The following ADGRL3 variants were observed in gnomAD, a reference collection of about 807,000 sequenced individuals.
ADGRL3 encodes adhesion G protein-coupled receptor L3.
ADGRL3 carries 62 observed loss-of-function variants against 153.5 expected under a neutral mutation model. That is an observed-to-expected ratio of 0.40 (90% confidence interval 0.33 to 0.50). ADGRL3 has a LOEUF of 0.50. Among genes scored for constraint, ADGRL3 ranks in the 20% least tolerant of loss-of-function variants. ADGRL3 has a pLI of 0.47. For synonymous variants in ADGRL3, 710 were observed against 672.5 expected, an observed-to-expected ratio of 1.06 and a Z score of -0.86; for missense variants, 1,641 against 1,859.4, an observed-to-expected ratio of 0.88 and a Z score of 2.16.
At chr4:61,982,922 A>G (rs1390022909) in intron 18 of ADGRL3, among the ~76,000 whole-genome samples, 1 of 152,136 alleles carries the variant, frequency 6.6e-6, no homozygotes, top group Non-Finnish European at 1.5e-5. Flanking sequence ...AAAGACTGCA[A>G]TTAACTACAC....
intron 5 of ADGRL3, among the ~76,000 whole-genome samples, chr4:61,656,547 TGGG>T (rs2094448102): frequency 6.6e-6 from 1 of 152,142 alleles, no homozygotes; most frequent in African/African-American, 2.4e-5. Flanking sequence ...ATTTGGTTCC[TGGG>T]TAAAATGAAA....
chr4:61,295,387 G>T (rs1314521304), intron 1 of ADGRL3, among the ~76,000 whole-genome samples: 1 of 152,044 alleles, frequency 6.6e-6, no homozygotes, highest in Non-Finnish European at 1.5e-5. Flanking sequence ...ATGTATAGGA[G>T]AAACACCATG....
At chr4:62,027,230 T>G (rs1719184505) in intron 21 of ADGRL3, among the ~76,000 whole-genome samples, 2 of 152,194 alleles carry the variant, frequency 1.3e-5, no homozygotes, top group South Asian at 4.1e-4. Context: ...CCATCAGTTC[T>G]TACAAATTCT....
At chr4:61,226,236 G>A (rs1362516686) in intron 1 of ADGRL3, among the ~76,000 whole-genome samples, 1 of 152,052 alleles carries the variant, frequency 6.6e-6, no homozygotes, top group Non-Finnish European at 1.5e-5. Flanking sequence ...AGCATTATGA[G>A]GGGGTGTCTT....
chr4:61,657,533 G>A (rs1316224901), intron 5 of ADGRL3, among the ~76,000 whole-genome samples: 1 of 151,816 alleles, frequency 6.6e-6, no homozygotes, highest in African/African-American at 2.4e-5. Context: ...TATAGATTCA[G>A]TTTTTTTAAT....
intron 5 of ADGRL3, among the ~76,000 whole-genome samples, chr4:61,596,393 G>T (rs1231770785): frequency 6.6e-6 from 1 of 152,032 alleles, no homozygotes; most frequent in African/African-American, 2.4e-5. Flanking sequence ...CAAACCTTTT[G>T]CTAATAAGTT....
chr4:61,206,622 C>T (rs1338417767), intron 1 of ADGRL3, among the ~76,000 whole-genome samples: 1 of 152,086 alleles, frequency 6.6e-6, no homozygotes, highest in African/African-American at 2.4e-5. Context: ...TATGTATTCT[C>T]AAGTTTTAGA....
chr4:61,775,828 G>T, intron 8 of ADGRL3: 1 of 589,460 alleles, frequency 1.7e-6, no homozygotes, highest in South Asian at 2.6e-5. Context: ...TACGCTTCCA[G>T]CAGCAATACC....
intron 19 of ADGRL3, among the ~76,000 whole-genome samples, chr4:61,994,900 A>G (rs1328506242): frequency 6.7e-6 from 1 of 149,032 alleles, no homozygotes; most frequent in Admixed American, 6.7e-5. Flanking sequence ...GTACTTTTTT[A>G]CTCAACTTTG....
intron 8 of ADGRL3, among the ~76,000 whole-genome samples, chr4:61,789,112 TTATC>T (rs1291389717): frequency 3.3e-5 from 5 of 152,142 alleles, no homozygotes; most frequent in South Asian, 2.1e-4. Flanking sequence ...GATATGTTGT[TTATC>T]TAGATTTTTT....
intron 5 of ADGRL3, among the ~76,000 whole-genome samples, chr4:61,668,257 G>A (rs888829245): frequency 3.3e-5 from 5 of 152,144 alleles, no homozygotes; most frequent in African/African-American, 9.7e-5. Flanking sequence ...GCCACAAGCC[G>A]AAGAATGAGG....
intron 1 of ADGRL3, among the ~76,000 whole-genome samples, chr4:61,333,275 A>G (rs2095610218): frequency 6.6e-6 from 1 of 152,110 alleles, no homozygotes; most frequent in African/African-American, 2.4e-5. Flanking sequence ...ATAAGGTCTT[A>G]CCACAAAGAG....
Position 61,922,515 on chromosome 4 carries a change from A to C in ADGRL3, c.2112+9758A>C, listed in dbSNP as rs550705384. 1.1e-4 allele frequency among the ~76,000 whole-genome samples: 16 copies of C among 152,170 alleles called. No individual in the cohort carries two copies. In the East Asian group the frequency reaches 1.4e-3, roughly 13 times the overall value. ...AGTCCACAGTTTACTCAGATTTTTA[A>C]ATTTATTATCTATGTCCTTTTCTGT... On this transcript the variant is annotated intron_variant, in intron 13 of 26. Coordinates refer to ENST00000683033, the MANE Select transcript of ADGRL3 (RefSeq NM_001387552.1).
chr4:61,881,135 CT>C (rs1392139049), intron 9 of ADGRL3, among the ~76,000 whole-genome samples: 3 of 152,116 alleles, frequency 2.0e-5, no homozygotes, highest in Non-Finnish European at 4.4e-5. Flanking sequence ...ATAATCTCCT[CT>C]GTGTTCCAGA....
intron 1 of ADGRL3, among the ~76,000 whole-genome samples, chr4:61,371,793 G>C (rs1280735757): frequency 6.6e-6 from 1 of 151,964 alleles, no homozygotes; most frequent in African/African-American, 2.4e-5. Flanking sequence ...GCTAGATTGG[G>C]GAAATTCTCC....
intron 8 of ADGRL3, among the ~76,000 whole-genome samples, chr4:61,774,297 C>T (rs2097120608): frequency 6.8e-6 from 1 of 146,950 alleles, no homozygotes; most frequent in South Asian, 2.1e-4. Flanking sequence ...GCGGAGGTTG[C>T]AGTGAGCCAA....
At chr4:61,698,596 C>T (rs1360068665) in intron 6 of ADGRL3, among the ~76,000 whole-genome samples, 1 of 152,144 alleles carries the variant, frequency 6.6e-6, no homozygotes, top group East Asian at 1.9e-4. Flanking sequence ...GTGGTATTCT[C>T]AAGTATTTTT....
chr4:61,656,328 AAAAAG>A (rs2094441983), intron 5 of ADGRL3, among the ~76,000 whole-genome samples: 1 of 152,162 alleles, frequency 6.6e-6, no homozygotes, highest in Admixed American at 6.5e-5. Context: ...TTGTTGAGTG[AAAAAG>A]AAAAGTACAA....
intron 4 of ADGRL3, among the ~76,000 whole-genome samples, chr4:61,530,306 C>G (rs543832095): frequency 6.6e-6 from 1 of 151,480 alleles, no homozygotes; most frequent in Non-Finnish European, 1.5e-5. Flanking sequence ...AGAGGTACAA[C>G]TATATGGTCT....
Sources: gnomAD v4.1 joint callset for allele counts (sites outside exome capture counted in the v4.1 genomes callset) on GRCh38, gnomAD v4.1.1 for gene constraint, MANE v1.5 for transcripts, NCBI Gene and HGNC (gene_info 2026-07-23, HGNC 2026-07-21) for gene names.